PDGFC: variants seen among roughly 807,000 people sequenced by gnomAD.
The protein encoded by PDGFC is platelet-derived growth factor C.
In PDGFC, 12 loss-of-function variants were observed where a neutral mutation model predicts 35.5. The ratio of observed to expected loss-of-function variants is 0.34; its 90% CI spans 0.22 to 0.55. The LOEUF (loss-of-function observed/expected upper bound fraction) is 0.55, where lower values mean the gene tolerates loss of function less well. PDGFC is among the 20% of genes least tolerant of loss of function. PDGFC has a pLI of 0.91. For missense variants in PDGFC, 322 were observed against 412.4 expected, an observed-to-expected ratio of 0.78 and a Z score of 1.90; for synonymous variants, 159 against 148.8, an observed-to-expected ratio of 1.07 and a Z score of -0.50.
chr4:156,802,771 T>C (rs534517286), intron 3 of PDGFC, among the ~76,000 whole-genome samples: 5 of 152,198 alleles, frequency 3.3e-5, no homozygotes, highest in African/African-American at 9.6e-5. Context: ...GTGAAGACAA[T>C]AGTGGGCAAG....
At chr4:156,804,033 A>G (rs1731686921) in intron 3 of PDGFC, among the ~76,000 whole-genome samples, 1 of 152,116 alleles carries the variant, frequency 6.6e-6, no homozygotes. Flanking sequence ...TACAAGTGCT[A>G]GAAACTGAAA....
At chr4:156,774,897 C>G (rs555183127) in intron 3 of PDGFC, among the ~76,000 whole-genome samples, 1 of 151,870 alleles carries the variant, frequency 6.6e-6, no homozygotes, top group East Asian at 1.9e-4. Context: ...AACAAAGATA[C>G]GCAAAGATAC....
At chr4:156,831,664 C>T (rs1213991897) in intron 2 of PDGFC, among the ~76,000 whole-genome samples, 2 of 151,400 alleles carry the variant, frequency 1.3e-5, no homozygotes, top group African/African-American at 4.9e-5. Flanking sequence ...GGCTGGTCTC[C>T]AACTCCTGAC....
chr4:156,840,630 A>G (rs996748426), intron 2 of PDGFC, among the ~76,000 whole-genome samples: 1 of 152,168 alleles, frequency 6.6e-6, no homozygotes, highest in African/African-American at 2.4e-5. Context: ...TCCAGACCCC[A>G]GAATTGTAGG....
At chr4:156,955,557 C>T (rs963686680) in intron 1 of PDGFC, among the ~76,000 whole-genome samples, 70 of 151,848 alleles carry the variant, frequency 4.6e-4, no homozygotes, top group Middle Eastern at 3.4e-3. Flanking sequence ...ACCCTATTTG[C>T]TGATAAAATA....
At chr4:156,874,793 T>G (rs1730072609) in intron 1 of PDGFC, among the ~76,000 whole-genome samples, 1 of 152,042 alleles carries the variant, frequency 6.6e-6, no homozygotes, top group African/African-American at 2.4e-5. Context: ...CTCAGCTCAC[T>G]GCAACCTCTA....
chr4:156,920,387 T>A (rs564306298), intron 1 of PDGFC, among the ~76,000 whole-genome samples: 1 of 152,172 alleles, frequency 6.6e-6, no homozygotes, highest in Non-Finnish European at 1.5e-5. Context: ...ACACCATTTC[T>A]ACAGATGAAA....
intron 1 of PDGFC, among the ~76,000 whole-genome samples, chr4:156,851,211 G>A (rs1412319756): frequency 6.6e-6 from 1 of 152,122 alleles, no homozygotes; most frequent in Non-Finnish European, 1.5e-5. Context: ...AAATGACTCT[G>A]AAAAGTAAAG....
chr4:156,902,957 T>C (rs149760851), intron 1 of PDGFC, among the ~76,000 whole-genome samples: 2,489 of 152,256 alleles, frequency 0.016, 74 homozygotes, highest in African/African-American at 0.057. Flanking sequence ...ATATCTAGCT[T>C]CTGAAAATCG....
intron 2 of PDGFC, among the ~76,000 whole-genome samples, chr4:156,812,730 A>G (rs1393229453): frequency 2.6e-5 from 4 of 152,074 alleles, no homozygotes; most frequent in African/African-American, 9.7e-5. Flanking sequence ...CTCACTGGTA[A>G]ACTGGGAATA....
chr4:156,874,271 AATT>A (rs1730056108), intron 1 of PDGFC, among the ~76,000 whole-genome samples: 1 of 152,182 alleles, frequency 6.6e-6, no homozygotes, highest in Non-Finnish European at 1.5e-5. Flanking sequence ...AAAAGGAAAA[AATT>A]AATAGACACC....
At chr4:156,846,745 A>T (rs1218277424) in intron 2 of PDGFC, among the ~76,000 whole-genome samples, 3 of 151,760 alleles carry the variant, frequency 2.0e-5, no homozygotes, top group East Asian at 1.9e-4. Context: ...AAAGTGTCAT[A>T]ATGTTGGCAG....
intron 2 of PDGFC, among the ~76,000 whole-genome samples, chr4:156,822,715 G>A (rs1183623248): frequency 6.6e-6 from 1 of 152,064 alleles, no homozygotes; most frequent in Admixed American, 6.6e-5. Context: ...AATAGACCTG[G>A]AGCAGAAACC....
chr4:156,912,685 G>T (rs903878000), intron 1 of PDGFC, among the ~76,000 whole-genome samples: 1 of 151,996 alleles, frequency 6.6e-6, no homozygotes, highest in African/African-American at 2.4e-5. Context: ...TAAATAAAAT[G>T]AATCATCATA....
Position 156,767,948 on chromosome 4 carries a change from C to G in PDGFC, c.746G>C (p.Ser249Thr). ...CACTGAGAAGTTACGAGGTGTGCAG[C>G]TGTATAATCTTACCTCCTCTGTTAG... ...NLLTEEVRLYSCTPRNFSVSI... is the reference protein window; with the variant it reads ...NLLTEEVRLYTCTPRNFSVSI... The change falls in exon 5 of 6, where the codon AGC (serine) becomes ACC (threonine). Residue 249 changes from serine (S) to threonine (T), a missense_variant. This residue lies in a region of PDGFC where 202 missense variants were observed against 295.9 expected (regional missense o/e 0.68). Transcript: ENST00000502773. The G allele has an allele frequency of 3.1e-6, 5 of 1,612,098 alleles. No individual in the cohort carries two copies. Among genetic ancestry groups the G allele is most frequent in the Non-Finnish European group, 4.2e-6 (5 of 1,178,262 alleles).
At chr4:156,783,964 G>A (rs1346337588) in intron 3 of PDGFC, among the ~76,000 whole-genome samples, 3 of 152,086 alleles carry the variant, frequency 2.0e-5, no homozygotes, top group Non-Finnish European at 1.5e-5. Flanking sequence ...TAGCTTCAGG[G>A]AATGCATTAA....
intron 1 of PDGFC, among the ~76,000 whole-genome samples, chr4:156,870,222 A>C (rs994494335): frequency 3.3e-5 from 5 of 152,130 alleles, no homozygotes; most frequent in Non-Finnish European, 7.4e-5. Flanking sequence ...TCTTCCTTTC[A>C]ACTCTTTCTA....
intron 1 of PDGFC, among the ~76,000 whole-genome samples, chr4:156,967,026 CTTTT>C (rs377133242): frequency 7.3e-6 from 1 of 136,940 alleles, no homozygotes; most frequent in African/African-American, 2.7e-5. Context: ...GAAGTTTTTT[CTTTT>C]TTTTTTTTTT....
At chr4:156,968,161 T>C (rs1732509291) in intron 1 of PDGFC, among the ~76,000 whole-genome samples, 1 of 152,130 alleles carries the variant, frequency 6.6e-6, no homozygotes, top group African/African-American at 2.4e-5. Flanking sequence ...CAAGTTAATA[T>C]TAAAACTGAG....
Sources: allele counts gnomAD v4.1 joint callset (sites outside exome capture counted in the v4.1 genomes callset), GRCh38; gene constraint gnomAD v4.1.1; regional missense constraint gnomAD v4.1.1; transcripts MANE v1.5; gene names NCBI Gene and HGNC (gene_info 2026-07-23, HGNC 2026-07-21).